Variants in CFAP61 observed in about 807,000 individuals in gnomAD.
CFAP61 encodes the protein cilia- and flagella-associated protein 61.
Under a neutral mutation model 135.6 loss-of-function variants are expected in CFAP61, and 107 were observed. The ratio of observed to expected loss-of-function variants is 0.79; its 90% CI spans 0.67 to 0.93. The LOEUF is 0.93. Among genes scored for constraint, CFAP61 ranks in the 40% least tolerant of loss-of-function variants. The pLI, the probability that CFAP61 is intolerant of heterozygous loss-of-function variation, is 0.00. For missense variants in CFAP61, 1,507 were observed against 1,556.2 expected (o/e 0.97, Z 0.53); for synonymous variants, 575 against 578.5 (o/e 0.99, Z 0.09).
At chr20:20,323,954 G>A (rs1031118144) in intron 25 of CFAP61, among the ~76,000 whole-genome samples, 6 of 151,930 alleles carry the variant, frequency 3.9e-5, no homozygotes, top group East Asian at 1.9e-4. Flanking sequence ...ATTTTTTAAC[G>A]ACTGGATAGA....
Position 20,318,659 on chromosome 20 carries a change from C to T in CFAP61, c.3422+20273C>T, listed in dbSNP as rs139099399. 5.2e-3 allele frequency among the ~76,000 whole-genome samples: 791 copies of T among 152,212 alleles called. 7 individuals are homozygous for T. The highest frequency in any genetic ancestry group is 0.018 in the African/African-American group (757 of 41,520). The stretch of plus-strand genomic sequence containing the variant: ...GCTTGCTATTTAGAGGATAGAGCAC[C>T]CTCTCTTGCCTAGTGCCACCTTGAA... On this transcript the variant is annotated intron_variant, in intron 25 of 26. Transcript: ENST00000245957.
Position 20,263,030 on chromosome 20 carries a change from G to A in CFAP61, c.2403G>A (p.Arg801=), listed in dbSNP as rs750858980. The A allele has an allele frequency of 1.2e-6, 2 of 1,614,038 alleles. No individual in the cohort carries two copies. The highest frequency in any genetic ancestry group is 1.1e-5 in the South Asian group (1 of 91,074). ...AGGTTCCCAACAGCAGTCAGCGGCG[G>A]TACACGGGGAAAGTTCCTTGCAACC... ...NREVPNSSQR[R]YTGKVPCNHF... Residue 801 remains arginine, a synonymous_variant, in exon 21 of 27, where the codon CGG becomes CGA. Transcript: ENST00000245957.
At chr20:20,063,050 A>G (rs191088110) in intron 2 of CFAP61, among the ~76,000 whole-genome samples, 23 of 152,342 alleles carry the variant, frequency 1.5e-4, no homozygotes, top group African/African-American at 5.3e-4. Flanking sequence ...TCTTAAAATC[A>G]ACTTAAGAAA....
intron 22 of CFAP61, among the ~76,000 whole-genome samples, chr20:20,283,220 C>T (rs926157473): frequency 6.6e-6 from 1 of 152,002 alleles, no homozygotes; most frequent in African/African-American, 2.4e-5. Flanking sequence ...TTTTTGGGGG[C>T]TCTGTTATTA....
intron 17 of CFAP61, chr20:20,225,658 G>T (rs2048692458): frequency 6.6e-6 from 1 of 152,246 alleles, no homozygotes; most frequent in African/African-American, 2.4e-5. Flanking sequence ...TCCAACAGCA[G>T]AGGGGAATGT....
At chr20:20,159,142 CTCTA>C (rs1410474907) in intron 9 of CFAP61, among the ~76,000 whole-genome samples, 1 of 152,244 alleles carries the variant, frequency 6.6e-6, no homozygotes, top group Non-Finnish European at 1.5e-5. Context: ...GCATCTGTTT[CTCTA>C]TCTGTCTGTC....
At chr20:20,305,596 C>T (rs992240120) in intron 25 of CFAP61, among the ~76,000 whole-genome samples, 5 of 152,240 alleles carry the variant, frequency 3.3e-5, no homozygotes, top group Non-Finnish European at 7.3e-5. Flanking sequence ...CGCTTCCCTG[C>T]GGCCGTGTGC....
At chr20:20,189,899 A>G (rs561812065) in intron 14 of CFAP61, among the ~76,000 whole-genome samples, 1 of 152,140 alleles carries the variant, frequency 6.6e-6, no homozygotes, top group South Asian at 2.1e-4. Flanking sequence ...GGTTCAAGGG[A>G]TTCTCCTGCC....
At chr20:20,274,920 GCAGTCATCTCC>G (rs960394157) in intron 21 of CFAP61, among the ~76,000 whole-genome samples, 48 of 152,270 alleles carry the variant, frequency 3.2e-4, no homozygotes, top group African/African-American at 1.1e-3. Context: ...AATCACTCAG[GCAGTCATCTCC>G]CATATGACCA....
intron 19 of CFAP61, among the ~76,000 whole-genome samples, chr20:20,249,874 G>A (rs953505299): frequency 6.6e-6 from 1 of 152,282 alleles, no homozygotes; most frequent in Non-Finnish European, 1.5e-5. Flanking sequence ...GGGATCTGGA[G>A]CAGATAAAAA....
intron 24 of CFAP61, 86 bp downstream of exon 24, chr20:20,290,477 C>T: frequency 1.1e-6 from 1 of 898,950 alleles, no homozygotes; most frequent in Non-Finnish European, 1.8e-6. Context: ...GGAGTCTTTA[C>T]TGTAATGTGT....
chr20:20,289,804 C>G (rs1458668018), intron 23 of CFAP61, among the ~76,000 whole-genome samples: 1 of 152,244 alleles, frequency 6.6e-6, no homozygotes, highest in Non-Finnish European at 1.5e-5. Context: ...AGAGCTGGCA[C>G]AGGCCCAGAC....
intron 11 of CFAP61, among the ~76,000 whole-genome samples, chr20:20,165,621 C>T (rs1569044027): frequency 6.6e-6 from 1 of 152,134 alleles, no homozygotes; most frequent in Non-Finnish European, 1.5e-5. Context: ...GCACCCACCC[C>T]TCATCTGTTC....
At chr20:20,341,140 C>T (rs1315149708) in intron 25 of CFAP61, among the ~76,000 whole-genome samples, 1 of 152,062 alleles carries the variant, frequency 6.6e-6, no homozygotes, top group Non-Finnish European at 1.5e-5. Flanking sequence ...TGGCTTTGAC[C>T]CTGAAGCAGT....
At chr20:20,336,894 AC>A (rs1304485381) in intron 25 of CFAP61, among the ~76,000 whole-genome samples, 3 of 151,478 alleles carry the variant, frequency 2.0e-5, no homozygotes, top group East Asian at 1.9e-4. Flanking sequence ...GACATTCTCC[AC>A]CCCCACCCAC....
chr20:20,078,908 G>A (rs2046241979), intron 6 of CFAP61, among the ~76,000 whole-genome samples: 1 of 152,052 alleles, frequency 6.6e-6, no homozygotes, highest in Non-Finnish European at 1.5e-5. Flanking sequence ...TGAAAGAGGT[G>A]GTATCACTTA....
intron 6 of CFAP61, among the ~76,000 whole-genome samples, chr20:20,083,514 GA>G (rs896064549): frequency 1.4e-4 from 22 of 152,130 alleles, no homozygotes; most frequent in Admixed American, 9.8e-4. Context: ...TAAAATAGAT[GA>G]AAAAAACATT....
chr20:20,160,078 G>T (rs1019434577), intron 10 of CFAP61, among the ~76,000 whole-genome samples: 2 of 152,202 alleles, frequency 1.3e-5, no homozygotes, highest in African/African-American at 4.8e-5. Context: ...AGATTGGCAG[G>T]GTCCTGTGAA....
intron 2 of CFAP61, among the ~76,000 whole-genome samples, chr20:20,065,761 G>A (rs774260935): frequency 1.8e-4 from 28 of 152,122 alleles, no homozygotes; most frequent in Non-Finnish European, 3.5e-4. Flanking sequence ...GGGCATGGCC[G>A]ATGAGTGGGG....
Sources: allele counts gnomAD v4.1 joint callset (sites outside exome capture counted in the v4.1 genomes callset), GRCh38; gene constraint gnomAD v4.1.1; transcripts MANE v1.5; gene names NCBI Gene and HGNC (gene_info 2026-07-23, HGNC 2026-07-21).